Variants in TBX15 observed in about 807,000 individuals in gnomAD.
TBX15 encodes T-box transcription factor 15, also known as T-box transcription factor TBX15.
Under a neutral mutation model 53.9 loss-of-function variants are expected in TBX15, and 18 were observed. The observed-to-expected ratio is 0.33, with a 90% CI of 0.23 to 0.49. TBX15 has a LOEUF of 0.49. Among genes scored for constraint, TBX15 ranks in the 20% least tolerant of loss-of-function variants. The pLI is 0.98. For missense variants in TBX15, 692 were observed against 749.5 expected (o/e 0.92, Z 0.90); for synonymous variants, 295 against 278.0 (o/e 1.06, Z -0.61).
At chr1:118,924,880 G>T (rs930306942) in intron 3 of TBX15, 63 bp from the exon 4 acceptor site, 1 of 1,582,000 alleles carries the variant, frequency 6.3e-7, no homozygotes, top group Non-Finnish European at 8.7e-7. Flanking sequence ...AGAGGCCCAG[G>T]AAACAAGTTG....
intron 1 of TBX15, among the ~76,000 whole-genome samples, chr1:118,971,915 C>T (rs542303821): frequency 2.6e-5 from 4 of 152,234 alleles, no homozygotes; most frequent in Admixed American, 6.5e-5. Flanking sequence ...AGTGTAAAGC[C>T]GGCAGTTATT....
At chr1:118,891,927 T>C (rs763994678) in intron 7 of TBX15, among the ~76,000 whole-genome samples, 10 of 152,228 alleles carry the variant, frequency 6.6e-5, no homozygotes, top group Non-Finnish European at 1.5e-4. Flanking sequence ...GTAAGAATCC[T>C]AATTGATATA....
intron 7 of TBX15, among the ~76,000 whole-genome samples, chr1:118,897,687 G>T (rs767795607): frequency 3.3e-5 from 5 of 152,092 alleles, no homozygotes; most frequent in Non-Finnish European, 7.4e-5. Flanking sequence ...TCAAAGACGG[G>T]GGCCTAGATT....
chr1:118,905,593 A>G (rs892488357), intron 6 of TBX15, among the ~76,000 whole-genome samples: 1 of 152,250 alleles, frequency 6.6e-6, no homozygotes, highest in Non-Finnish European at 1.5e-5. Context: ...TTGTAGATGC[A>G]GTAGTGCCTG....
intron 1 of TBX15, among the ~76,000 whole-genome samples, chr1:118,933,136 A>T (rs999068662): frequency 2.0e-5 from 3 of 152,166 alleles, no homozygotes; most frequent in African/African-American, 7.2e-5. Context: ...GACCTGTGAA[A>T]GATACACCCC....
At chr1:118,907,980 T>G (rs900241700) in intron 6 of TBX15, among the ~76,000 whole-genome samples, 5 of 152,162 alleles carry the variant, frequency 3.3e-5, no homozygotes, top group African/African-American at 4.8e-5. Flanking sequence ...GTGTGTCTAA[T>G]CTACAGTTAG....
intron 1 of TBX15, among the ~76,000 whole-genome samples, chr1:118,971,901 T>G (rs1657245693): frequency 6.6e-6 from 1 of 152,196 alleles, no homozygotes; most frequent in South Asian, 2.1e-4. Flanking sequence ...ACTGTCCTGT[T>G]GATAGTGTAA....
chr1:118,956,645 TAG>T (rs1656698215), intron 1 of TBX15, among the ~76,000 whole-genome samples: 2 of 152,294 alleles, frequency 1.3e-5, no homozygotes, highest in Admixed American at 1.3e-4. Flanking sequence ...AAGATATTCA[TAG>T]TCTTTTAAAA....
chr1:118,981,838 A>T (rs1303545258), intron 1 of TBX15, among the ~76,000 whole-genome samples: 1 of 152,248 alleles, frequency 6.6e-6, no homozygotes, highest in Non-Finnish European at 1.5e-5. Context: ...TGCTGTTCCC[A>T]GTGCAGACCC....
intron 1 of TBX15, among the ~76,000 whole-genome samples, chr1:118,974,018 A>G (rs1657338346): frequency 6.6e-6 from 1 of 152,196 alleles, no homozygotes; most frequent in Admixed American, 6.5e-5. Context: ...TGCTCTGAAC[A>G]CTGCAGGGAA....
chr1:118,887,270 C>T (rs1653977586), intron 7 of TBX15, among the ~76,000 whole-genome samples: 1 of 152,160 alleles, frequency 6.6e-6, no homozygotes, highest in Admixed American at 6.5e-5. Context: ...CTTTAGATCA[C>T]CTACCCACTC....
Position 118,931,735 on chromosome 1 carries a change from G to T in TBX15, c.303C>A (p.Gly101=). The change falls in exon 2 of 8, where the codon GGC becomes GGA. Residue 101 remains glycine, a synonymous_variant. Coordinates refer to ENST00000369429, the MANE Select transcript of TBX15 (RefSeq NM_001330677.2). ...TGGAAGACATGGCAGCAGGCACAGG[G>T]CCTGCAGCACCAGAGGCCAGGTCAG... is the stretch of plus-strand genomic sequence containing the variant. ...THTDLASGAA[G]PVPAAMSSME... The T allele has an allele frequency of 7.4e-6, 12 of 1,613,928 alleles. No homozygotes were observed. Among genetic ancestry groups the T allele is most frequent in the Non-Finnish European group, 1.0e-5 (12 of 1,179,902 alleles).
Position 118,988,148 on chromosome 1 carries a change from CCTCT to C in TBX15, c.-357_-354del, listed in dbSNP as rs3033458. The stretch of plus-strand genomic sequence containing the variant: ...TTTTGTTATTATTATTATTCTCTCT[CCTCT>C]CTCTCTCTCTCTCTCTCTCCCCTCC... On this transcript the variant is annotated 5_prime_UTR_variant, in exon 1 of 8. Coordinates refer to ENST00000369429, the MANE Select transcript of TBX15 (RefSeq NM_001330677.2). 2,909 of 177,472 alleles carry C rather than the reference CCTCT, an allele frequency of 0.016. No homozygotes were observed. The highest frequency in any genetic ancestry group is 0.033 in the Middle Eastern group (15 of 458). The allele number at this position is 177,472 out of a possible 1,614,324, so 11.0% of individuals were successfully genotyped here.
At chr1:118,889,181 G>A (rs577784653) in intron 7 of TBX15, among the ~76,000 whole-genome samples, 1 of 152,276 alleles carries the variant, frequency 6.6e-6, no homozygotes, top group Admixed American at 6.5e-5. Flanking sequence ...TGAACATAAA[G>A]TACTCAATAC....
intron 5 of TBX15, among the ~76,000 whole-genome samples, chr1:118,921,262 T>C (rs1169925496): frequency 2.0e-5 from 3 of 152,166 alleles, no homozygotes; most frequent in African/African-American, 7.2e-5. Context: ...AATATTTTAT[T>C]TACAAAACAC....
intron 2 of TBX15, among the ~76,000 whole-genome samples, chr1:118,929,384 A>C (rs762063598): frequency 6.6e-6 from 1 of 152,220 alleles, no homozygotes; most frequent in African/African-American, 2.4e-5. Context: ...ATAGCAAGAA[A>C]AATGAGTGAG....
At chr1:118,928,993 C>T (rs1407152178) in intron 2 of TBX15, among the ~76,000 whole-genome samples, 1 of 152,140 alleles carries the variant, frequency 6.6e-6, no homozygotes, top group East Asian at 1.9e-4. Context: ...CTTTTTGTCA[C>T]ATTTTAGCAT....
chr1:118,987,831 G>T lies in TBX15; in HGVS notation c.-36C>A, dbSNP rs1485626054. ...CACACCCCTGCCTCCGCTTGCCCCC[G>T]CTACCGAGGGAGCAGCCGGCGCCCT... On this transcript the variant is annotated 5_prime_UTR_variant, in exon 1 of 8. Transcript: ENST00000369429. The T allele has an allele frequency of 6.5e-7, 1 of 1,544,324 alleles. No homozygotes were observed. The highest frequency in any genetic ancestry group is 1.2e-5 in the South Asian group (1 of 83,902).
At chr1:118,891,467 C>T (rs1473909385) in intron 7 of TBX15, among the ~76,000 whole-genome samples, 2 of 152,182 alleles carry the variant, frequency 1.3e-5, no homozygotes, top group African/African-American at 2.4e-5. Flanking sequence ...TTTCTGGCAA[C>T]AGTATCTAGT....
Sources: gnomAD v4.1 joint callset for allele counts (sites outside exome capture counted in the v4.1 genomes callset) on GRCh38, gnomAD v4.1.1 for gene constraint, MANE v1.5 for transcripts, NCBI Gene and HGNC (gene_info 2026-07-23, HGNC 2026-07-21) for gene names.